Variants in RBFOX1 observed in about 807,000 individuals in gnomAD.
RBFOX1 encodes RNA binding fox-1 homolog 1.
Under a neutral mutation model 57.7 loss-of-function variants are expected in RBFOX1, and 8 were observed. The ratio of observed to expected loss-of-function variants is 0.14; its 90% CI spans 0.08 to 0.25. RBFOX1 has a LOEUF of 0.25. Among genes scored for constraint, RBFOX1 ranks in the 10% least tolerant of loss-of-function variants. The probability of loss-of-function intolerance (pLI) is 1.00; values close to 1 mark genes in which losing one functional copy is unlikely to be tolerated. For synonymous variants in RBFOX1, 326 were observed against 222.4 expected, an observed-to-expected ratio of 1.47 and a Z score of -4.15; for missense variants, 611 against 548.5, an observed-to-expected ratio of 1.11 and a Z score of -1.14.
At chr16:5,517,405 C>G (rs770761047) in intron 2 of RBFOX1, among the ~76,000 whole-genome samples, 24 of 152,198 alleles carry the variant, frequency 1.6e-4, no homozygotes, top group Non-Finnish European at 2.8e-4. Context: ...CTTGACTTTT[C>G]CAGATGGTAG....
intron 1 of RBFOX1, among the ~76,000 whole-genome samples, chr16:5,242,833 A>G (rs2151060671): frequency 6.6e-6 from 1 of 151,990 alleles, no homozygotes; most frequent in Admixed American, 6.6e-5. Context: ...TGTCCCTTGG[A>G]GTGGCTCCCA....
intron 3 of RBFOX1, among the ~76,000 whole-genome samples, chr16:6,914,827 G>A (rs186577484): frequency 6.6e-6 from 1 of 152,322 alleles, no homozygotes; most frequent in Non-Finnish European, 1.5e-5. Context: ...GTTCAAGGCT[G>A]CACTGAGCCA....
At position 7,243,081 on chromosome 16, in the gene RBFOX1, G is replaced by A. The variant is rs150275901; in HGVS notation, c.27+190983G>A. ...TAATAATATATTCCCTTTATTCTTT[G>A]TCATTAGCTGAACGTTTTAGGAATA... On this transcript the variant is annotated intron_variant, in intron 4 of 15. Transcript: ENST00000550418. 6.8e-3 allele frequency among the ~76,000 whole-genome samples: 1,027 copies of A among 151,534 alleles called. 7 individuals are homozygous for A. Among genetic ancestry groups the A allele is most frequent in the Non-Finnish European group, 0.011 (772 of 67,914 alleles).
intron 2 of RBFOX1, among the ~76,000 whole-genome samples, chr16:6,551,553 G>C (rs114429102): frequency 6.6e-6 from 1 of 152,158 alleles, no homozygotes; most frequent in Non-Finnish European, 1.5e-5. Flanking sequence ...CATTCATCAA[G>C]TGATAATATT....
chr16:6,903,787 G>A (rs764664725), intron 3 of RBFOX1, among the ~76,000 whole-genome samples: 18 of 152,286 alleles, frequency 1.2e-4, no homozygotes, highest in Admixed American at 7.2e-4. Context: ...CGGAGCTGCC[G>A]CTGCTTAGCC....
At chr16:7,166,035 G>T (rs1040216991) in intron 4 of RBFOX1, among the ~76,000 whole-genome samples, 1 of 151,810 alleles carries the variant, frequency 6.6e-6, no homozygotes, top group East Asian at 1.9e-4. Context: ...TGTTGTTGAG[G>T]TGGAATCTCA....
At chr16:6,712,666 G>T (rs1043550695) in intron 3 of RBFOX1, among the ~76,000 whole-genome samples, 4 of 152,008 alleles carry the variant, frequency 2.6e-5, no homozygotes, top group Non-Finnish European at 5.9e-5. Context: ...ACTCTGATAG[G>T]CATGGCAGCC....
At chr16:7,183,389 C>T (rs1555541677) in intron 4 of RBFOX1, among the ~76,000 whole-genome samples, 1 of 152,136 alleles carries the variant, frequency 6.6e-6, no homozygotes, top group South Asian at 2.1e-4. Context: ...AAATCTTTAC[C>T]AGCACTTGAG....
intron 1 of RBFOX1, among the ~76,000 whole-genome samples, chr16:6,238,481 A>G (rs928144615): frequency 1.6e-4 from 25 of 152,168 alleles, no homozygotes; most frequent in African/African-American, 6.0e-4. Flanking sequence ...AAAATAACAG[A>G]TTTTATGGTA....
intron 4 of RBFOX1, among the ~76,000 whole-genome samples, chr16:5,890,110 T>G (rs1427139722): frequency 6.6e-6 from 1 of 152,196 alleles, no homozygotes; most frequent in African/African-American, 2.4e-5. Flanking sequence ...CTGTACTCTT[T>G]GCTTGGTCAT....
At chr16:5,391,365 C>T (rs577735424) in intron 1 of RBFOX1, among the ~76,000 whole-genome samples, 1 of 152,078 alleles carries the variant, frequency 6.6e-6, no homozygotes. Flanking sequence ...CCATTTTCAT[C>T]TTTGAGAGGC....
chr16:5,449,733 C>A (rs141803539), intron 1 of RBFOX1, among the ~76,000 whole-genome samples: 3 of 152,108 alleles, frequency 2.0e-5, no homozygotes, highest in African/African-American at 7.2e-5. Context: ...CTCAGCCCCC[C>A]GAGTAGATGG....
intron 1 of RBFOX1, among the ~76,000 whole-genome samples, chr16:6,089,078 AATAT>A (rs1555503293): frequency 7.3e-6 from 1 of 137,712 alleles, no homozygotes; most frequent in Admixed American, 7.3e-5. Context: ...AAAAAAAAAA[AATAT>A]ATATATATAT....
chr16:5,989,275 G>A (rs2152317537), intron 4 of RBFOX1, among the ~76,000 whole-genome samples: 1 of 152,144 alleles, frequency 6.6e-6, no homozygotes, highest in African/African-American at 2.4e-5. Context: ...AGTTTACAGT[G>A]AGCCGAGATG....
intron 4 of RBFOX1, among the ~76,000 whole-genome samples, chr16:7,094,120 G>A (rs1268692690): frequency 2.7e-5 from 4 of 150,840 alleles, no homozygotes; most frequent in African/African-American, 9.8e-5. Context: ...TACATTTTGA[G>A]TGGTGTTTCA....
chr16:7,398,715 A>C (rs537919306), intron 4 of RBFOX1, among the ~76,000 whole-genome samples: 1 of 152,226 alleles, frequency 6.6e-6, no homozygotes, highest in Non-Finnish European at 1.5e-5. Context: ...TAGTCGGGGC[A>C]TGTGCTGAGT....
intron 4 of RBFOX1, among the ~76,000 whole-genome samples, chr16:7,499,736 C>T (rs1449361208): frequency 2.6e-5 from 4 of 152,204 alleles, no homozygotes; most frequent in Non-Finnish European, 5.9e-5. Context: ...TTAAGGCTTT[C>T]ATTTGGTGGT....
At chr16:7,037,727 G>A (rs578177224) in intron 3 of RBFOX1, among the ~76,000 whole-genome samples, 9 of 152,298 alleles carry the variant, frequency 5.9e-5, no homozygotes, top group East Asian at 3.9e-4. Flanking sequence ...CAAGGAATTT[G>A]TTCAAGGTCT....
At chr16:6,583,198 T>C (rs2097561629) in intron 2 of RBFOX1, among the ~76,000 whole-genome samples, 1 of 152,116 alleles carries the variant, frequency 6.6e-6, no homozygotes, top group Non-Finnish European at 1.5e-5. Flanking sequence ...CCAGGAGTAG[T>C]TCTAATGGGT....
Sources: gnomAD v4.1 joint callset for allele counts (sites outside exome capture counted in the v4.1 genomes callset) on GRCh38, gnomAD v4.1.1 for gene constraint, MANE v1.5 for transcripts, NCBI Gene and HGNC (gene_info 2026-07-23, HGNC 2026-07-21) for gene names.